CHST12: variants seen among roughly 807,000 people sequenced by gnomAD.
CHST12 encodes the protein carbohydrate sulfotransferase 12.
A neutral mutation model predicts 27.9 loss-of-function variants in CHST12; 23 were observed. That is an observed-to-expected ratio of 0.82 (90% CI 0.59 to 1.17). The LOEUF is 1.17. Ranked by LOEUF, CHST12 falls within the 50% of genes most tolerant of loss-of-function variation. The pLI, the probability that CHST12 is intolerant of heterozygous loss-of-function variation, is 0.00. For missense variants in CHST12, 682 were observed against 603.0 expected, an observed-to-expected ratio of 1.13 and a Z score of -1.37; for synonymous variants, 322 against 273.0, an observed-to-expected ratio of 1.18 and a Z score of -1.77.
chr7:2,432,436 G>A (rs886477723), intron 1 of CHST12, 127 bp from the exon 2 acceptor site: 4 of 614,784 alleles, frequency 6.5e-6, no homozygotes, highest in African/African-American at 5.5e-5. Flanking sequence ...CCCCTCTGGA[G>A]GGCGAGCTGA....
chr7:2,426,679 T>C (rs950733990), intron 1 of CHST12, among the ~76,000 whole-genome samples: 3 of 151,764 alleles, frequency 2.0e-5, no homozygotes, highest in Non-Finnish European at 2.9e-5. Flanking sequence ...TAAAAAAATA[T>C]AACATACAAG....
rs140381651 is a variant in CHST12, at chr7:2,444,743, G to T, written c.*10859G>T. Reference sequence around the variant, plus strand: ...AGATGGCTGGGTGGAGAGTCTGCGGGAGGCTACAAGGCAAAAATCCCCTAC... The same window carrying T: ...AGATGGCTGGGTGGAGAGTCTGCGGTAGGCTACAAGGCAAAAATCCCCTAC... On this transcript the variant is annotated 3_prime_UTR_variant, in exon 2 of 2. Coordinates refer to ENST00000618655, the MANE Select transcript of CHST12 (RefSeq NM_018641.5). The T allele has an allele frequency of 6.6e-6, 1 of 152,280 alleles. No homozygotes were observed. Among genetic ancestry groups the T allele is most frequent in the African/African-American group, 2.4e-5 (1 of 41,440 alleles). 9.4% of individuals were successfully genotyped at this position (152,280 alleles called of 1,614,324 possible).
chr7:2,432,231 G>GCTGGT (rs1782290573), intron 1 of CHST12, among the ~76,000 whole-genome samples: 1 of 149,370 alleles, frequency 6.7e-6, no homozygotes, highest in South Asian at 2.1e-4. Context: ...CACACCTGGA[G>GCTGGT]CTGGTCTCCA....
chr7:2,433,323 C>T lies in CHST12; in HGVS notation c.684C>T (p.Arg228=), dbSNP rs780586669. The change falls in exon 2 of 2, where the codon CGC becomes CGT. Residue 228 remains arginine (R), a synonymous_variant. Transcript: ENST00000618655. The surrounding 1 kb of genome is among the most constrained non-coding windows in gnomAD (Gnocchi z 6.1). ...GGCGCCGCTACGGGAAGCTCTCCCG[C>T]CACCTCATGAAGGTCAAGCTCAAGA... ...KFWRRYGKLS[R]HLMKVKLKKY... is the part of the protein sequence containing the mutation. The T allele has an allele frequency of 8.1e-6, 13 of 1,612,776 alleles. No homozygotes were observed. The highest frequency in any genetic ancestry group is 1.1e-5 in the Non-Finnish European group (13 of 1,179,774).
At chr7:2,418,286 C>T (rs753288791) in intron 1 of CHST12, among the ~76,000 whole-genome samples, 27 of 152,202 alleles carry the variant, frequency 1.8e-4, no homozygotes, top group Non-Finnish European at 3.5e-4. Flanking sequence ...ACAGTGTTTG[C>T]GTTTAAACCT....
In CHST12 at chr7:2,433,100, T is replaced by G; in HGVS notation, c.461T>G (p.Leu154Arg). ...RAFDDIPNSE[L>R]SHLIVDDRHG... Reference sequence around the variant, plus strand: ...TTCGACGACATCCCCAACTCGGAGCTGAGCCACCTGATCGTGGACGACCGG... The same window carrying G: ...TTCGACGACATCCCCAACTCGGAGCGGAGCCACCTGATCGTGGACGACCGG... Residue 154 changes from leucine (L) to arginine (R), a missense_variant, in exon 2 of 2, where the codon CTG becomes CGG. Physicochemically the swap from Leu to Arg is moderately radical, Grantham distance 102. Transcript: ENST00000618655. This position sits in a 1 kb window ranked among gnomAD's most constrained non-coding sequence, Gnocchi z 6.1. The G allele has an allele frequency of 6.2e-7, 1 of 1,612,668 alleles. No individual in the cohort carries two copies. Among genetic ancestry groups the G allele is most frequent in the Non-Finnish European group, 8.5e-7 (1 of 1,179,598 alleles).
Position 2,433,529 on chromosome 7 carries a change from A to G in CHST12, c.890A>G (p.Lys297Arg), listed in dbSNP as rs564776861. ...SAREAFRAGL[K>R]VSFANFIQYL... ...CGCGAGGCCTTCCGCGCTGGCCTCA[A>G]GGTGTCCTTCGCCAACTTCATCCAG... The change falls in exon 2 of 2, where the codon AAG (lysine) becomes AGG (arginine). Residue 297 changes from lysine to arginine, a missense_variant. Transcript: ENST00000618655. The surrounding 1 kb of genome is among the most constrained non-coding windows in gnomAD (Gnocchi z 6.1). The G allele has an allele frequency of 9.3e-6, 15 of 1,613,042 alleles. No individual in the cohort carries two copies. Among genetic ancestry groups the G allele is most frequent in the African/African-American group, 2.7e-5 (2 of 75,054 alleles).
chr7:2,421,498 G>A (rs1193818549), intron 1 of CHST12, among the ~76,000 whole-genome samples: 5 of 148,678 alleles, frequency 3.4e-5, no homozygotes, highest in African/African-American at 9.9e-5. Context: ...GTGCGGTGAC[G>A]CGATCTTGGC....
Position 2,446,218 on chromosome 7 carries a change from TG to T in CHST12, c.*12335del, listed in dbSNP as rs1475406847. 1 of 152,672 alleles carries T rather than the reference TG, an allele frequency of 6.5e-6. No homozygotes were observed. The highest frequency in any genetic ancestry group is 1.5e-5 in the Non-Finnish European group (1 of 68,118). 9.5% of individuals were successfully genotyped at this position (152,672 alleles called of 1,614,324 possible). ...GAGAGCACATGCTGGGCCTTGGGGC[TG>T]CCTTGGACCTCAGGCCGTTGACAAG... On this transcript the variant is annotated 3_prime_UTR_variant, in exon 2 of 2. Transcript: ENST00000618655.
rs1411126819 is a variant in CHST12 at position 2,447,385 on chromosome 7, T to G, written c.*13501T>G. The G allele has an allele frequency of 6.6e-6, 1 of 152,300 alleles. No individual in the cohort carries two copies. The highest frequency in any genetic ancestry group is 1.5e-5 in the Non-Finnish European group (1 of 68,076). 9.4% of individuals were successfully genotyped at this position (152,300 alleles called of 1,614,324 possible). On this transcript the variant is annotated 3_prime_UTR_variant, in exon 2 of 2. Transcript: ENST00000618655. ...CCTCATGGAGGATTTCGGGTCAGCG[T>G]GGGGGTCAGAGGTCATTTCCCATAC...
In CHST12 at chr7:2,436,667, G is replaced by A. The variant is rs1782482125; in HGVS notation, c.*2783G>A. 1 of 152,280 alleles carries A rather than the reference G, an allele frequency of 6.6e-6. No individual in the cohort carries two copies. The highest frequency in any genetic ancestry group is 6.5e-5 in the Admixed American group (1 of 15,278). The allele number at this position is 152,280 out of a possible 1,614,324, so 9.4% of individuals were successfully genotyped here. A position where few individuals can be genotyped will look rare whatever the true frequency, so the allele number is the denominator to read the frequency against. On this transcript the variant is annotated 3_prime_UTR_variant, in exon 2 of 2. Coordinates refer to ENST00000618655, the MANE Select transcript of CHST12 (RefSeq NM_018641.5). ...CTTTGCTGGAGCACCTCCCCGGGAT[G>A]CGTTTGTTTATAGGATGTTCAGACG... is the stretch of plus-strand genomic sequence containing the variant.
Position 2,425,792 on chromosome 7 carries a change from G to A in CHST12, c.-77-6771G>A, listed in dbSNP as rs1782102882. Among the ~76,000 whole-genome samples, 3 of 151,430 alleles carry A rather than the reference G, an allele frequency of 2.0e-5. No individual in the cohort carries two copies. In the South Asian group the frequency reaches 6.3e-4, roughly 32 times the overall value. On this transcript the variant is annotated intron_variant, in intron 1 of 1. Coordinates refer to ENST00000618655, the MANE Select transcript of CHST12 (RefSeq NM_018641.5). ...GTCTATTTGATCTTTATTTTTTTGG[G>A]TGGAGAACTTACCACTTATCCCACT...
chr7:2,424,000 C>T (rs750104337), intron 1 of CHST12, among the ~76,000 whole-genome samples: 16 of 152,032 alleles, frequency 1.1e-4, no homozygotes, highest in Non-Finnish European at 1.9e-4. Flanking sequence ...TGCAGTGAGC[C>T]GAGATTGCAG....
intron 1 of CHST12, among the ~76,000 whole-genome samples, chr7:2,411,449 A>G (rs1176138996): frequency 7.4e-6 from 1 of 135,866 alleles, no homozygotes; most frequent in Admixed American, 7.3e-5. Context: ...GAGATTTATT[A>G]TCATTTTCTT....
intron 1 of CHST12, among the ~76,000 whole-genome samples, chr7:2,427,982 A>G (rs928615832): frequency 6.6e-6 from 1 of 151,468 alleles, no homozygotes; most frequent in Non-Finnish European, 1.5e-5. Flanking sequence ...ATGGCCAGCT[A>G]ATTTTTTGTA....
At position 2,441,366 on chromosome 7, in the gene CHST12, TAA is replaced by T. The variant is rs1428024205; in HGVS notation, c.*7486_*7487del. On this transcript the variant is annotated 3_prime_UTR_variant, in exon 2 of 2. Coordinates refer to ENST00000618655, the MANE Select transcript of CHST12 (RefSeq NM_018641.5). ...TTAGGCAAATTTGGAATAGGAACCT[TAA>T]AAATGCTTTCTTCACTCGTTTAAAT... The T allele has an allele frequency of 6.6e-6, 1 of 152,130 alleles. No individual in the cohort carries two copies. Among genetic ancestry groups the T allele is most frequent in the Non-Finnish European group, 1.5e-5 (1 of 68,026 alleles). 9.4% of individuals were successfully genotyped at this position (152,130 alleles called of 1,614,324 possible).
chr7:2,435,074 G>C lies in CHST12; in HGVS notation c.*1190G>C, dbSNP rs962886097. 1 of 152,138 alleles carries C rather than the reference G, an allele frequency of 6.6e-6. No individual in the cohort carries two copies. Among genetic ancestry groups the C allele is most frequent in the African/African-American group, 2.4e-5 (1 of 41,400 alleles). 9.4% of individuals were successfully genotyped at this position (152,138 alleles called of 1,614,324 possible). On this transcript the variant is annotated 3_prime_UTR_variant, in exon 2 of 2. Transcript: ENST00000618655. The stretch of plus-strand genomic sequence containing the variant: ...CTACAAAAAATAAGAAAATCAGCCG[G>C]ACATGATGGTGCACACCTGTAATCC...
intron 1 of CHST12, among the ~76,000 whole-genome samples, chr7:2,431,037 A>G (rs1263356841): frequency 6.6e-6 from 1 of 152,200 alleles, no homozygotes; most frequent in East Asian, 1.9e-4. Flanking sequence ...GTTCTTCTGT[A>G]TCCTTGCTGA....
intron 1 of CHST12, among the ~76,000 whole-genome samples, chr7:2,425,552 T>A (rs1261262043): frequency 1.3e-5 from 2 of 152,144 alleles, no homozygotes; most frequent in Non-Finnish European, 2.9e-5. Context: ...GCCACCATTG[T>A]TTCTGGATGT....
Sources: allele counts gnomAD v4.1 joint callset (sites outside exome capture counted in the v4.1 genomes callset), GRCh38; gene constraint gnomAD v4.1.1; non-coding constraint Gnocchi (gnomAD v3.1); transcripts MANE v1.5; gene names NCBI Gene and HGNC (gene_info 2026-07-23, HGNC 2026-07-21).